OPCML: variants seen among roughly 807,000 people sequenced by gnomAD.
OPCML encodes opioid binding protein/cell adhesion molecule like.
In OPCML, 13 loss-of-function variants were observed where a neutral mutation model predicts 37.8. The ratio of observed to expected loss-of-function variants is 0.34; its 90% CI spans 0.22 to 0.55. OPCML has a LOEUF of 0.55. OPCML is among the 20% of genes least tolerant of loss of function. The pLI is 0.91. For missense variants in OPCML, 341 were observed against 435.6 expected, an observed-to-expected ratio of 0.78 and a Z score of 1.93; for synonymous variants, 176 against 168.8, an observed-to-expected ratio of 1.04 and a Z score of -0.33.
intron 3 of OPCML, among the ~76,000 whole-genome samples, chr11:132,575,005 G>T (rs2096447065): frequency 6.6e-6 from 1 of 151,788 alleles, no homozygotes; most frequent in African/African-American, 2.4e-5. Flanking sequence ...ATTATGCAAG[G>T]TGCTTCTTGG....
chr11:133,108,499 G>C (rs10791282), intron 1 of OPCML, among the ~76,000 whole-genome samples: 51,475 of 152,042 alleles, frequency 0.34, 10,482 homozygotes, highest in East Asian at 0.51. Context: ...ACCTGAGCTC[G>C]GTTAGAATGT....
At chr11:132,912,594 G>T (rs891920569) in intron 2 of OPCML, among the ~76,000 whole-genome samples, 1 of 152,130 alleles carries the variant, frequency 6.6e-6, no homozygotes, top group Non-Finnish European at 1.5e-5. Context: ...AAATGGATTA[G>T]AAAAATATCA....
chr11:132,766,931 C>T lies in OPCML; in HGVS notation c.147-109612G>A, dbSNP rs1275696349. 2.0e-5 allele frequency among the ~76,000 whole-genome samples: 3 copies of T among 152,192 alleles called. No homozygotes were observed. The East Asian group carries it at 5.8e-4, about 29-fold the overall frequency. ...GAATATCTTGTTCTTAACATAAACA[C>T]ATGGAAGTGTTGGAGAAAAGGGTTA... On this transcript the variant is annotated intron_variant, in intron 2 of 7. Coordinates refer to ENST00000524381, the MANE Select transcript of OPCML (RefSeq NM_001012393.5).
intron 1 of OPCML, among the ~76,000 whole-genome samples, chr11:133,229,845 CT>C (rs1940200501): frequency 1.3e-5 from 2 of 152,172 alleles, no homozygotes; most frequent in South Asian, 4.1e-4. Context: ...TGTCCAAAGC[CT>C]TTACTGTGCG....
At position 132,646,471 on chromosome 11, in the gene OPCML, C is replaced by A. The variant is rs192553814; in HGVS notation, c.379+10616G>T. ...GTGGGGTAAGTGACATGATCAGTATCTGCATCAGAAATACTTAGACAACAC... is the reference window on the plus strand; with the variant it reads ...GTGGGGTAAGTGACATGATCAGTATATGCATCAGAAATACTTAGACAACAC... On this transcript the variant is annotated intron_variant, in intron 3 of 7. Transcript: ENST00000524381. 1.4e-4 allele frequency among the ~76,000 whole-genome samples: 22 copies of A among 152,220 alleles called. No individual in the cohort carries two copies. In the East Asian group the frequency reaches 3.7e-3, roughly 25 times the overall value.
intron 1 of OPCML, among the ~76,000 whole-genome samples, chr11:133,322,104 T>C (rs989143432): frequency 6.6e-6 from 1 of 152,162 alleles, no homozygotes; most frequent in Non-Finnish European, 1.5e-5. Context: ...AAAATACAGA[T>C]ACAAGATTTC....
chr11:132,644,047 G>T (rs1052207299), intron 3 of OPCML, among the ~76,000 whole-genome samples: 5 of 152,170 alleles, frequency 3.3e-5, no homozygotes, highest in Admixed American at 3.3e-4. Context: ...TTATTGCTTG[G>T]CATTTCTGGG....
intron 1 of OPCML, among the ~76,000 whole-genome samples, chr11:133,021,476 G>A (rs912922067): frequency 6.6e-6 from 1 of 152,106 alleles, no homozygotes; most frequent in Non-Finnish European, 1.5e-5. Flanking sequence ...TGTGTGGTCA[G>A]CATGGTTGTA....
intron 2 of OPCML, among the ~76,000 whole-genome samples, chr11:132,914,297 A>G (rs1323812572): frequency 1.3e-5 from 2 of 152,220 alleles, no homozygotes; most frequent in East Asian, 3.9e-4. Context: ...GTACAAGTCA[A>G]TATCGCTTGA....
chr11:133,216,559 A>G (rs1456539631), intron 1 of OPCML, among the ~76,000 whole-genome samples: 1 of 152,218 alleles, frequency 6.6e-6, no homozygotes, highest in Non-Finnish European at 1.5e-5. Context: ...CCTATTTTGT[A>G]TATTTTATAT....
chr11:132,462,731 A>G (rs1411907292), intron 4 of OPCML, among the ~76,000 whole-genome samples: 2 of 152,200 alleles, frequency 1.3e-5, no homozygotes, highest in East Asian at 3.9e-4. Flanking sequence ...TCCCTGATCC[A>G]TCTCTTAGAT....
At chr11:132,838,456 C>T (rs1941140068) in intron 2 of OPCML, among the ~76,000 whole-genome samples, 3 of 152,166 alleles carry the variant, frequency 2.0e-5, no homozygotes, top group Admixed American at 2.0e-4. Flanking sequence ...ATAAATGACA[C>T]AGATCCTGCC....
intron 1 of OPCML, among the ~76,000 whole-genome samples, chr11:132,947,816 T>C (rs576031101): frequency 3.9e-5 from 6 of 152,226 alleles, no homozygotes; most frequent in South Asian, 2.1e-4. Flanking sequence ...GAGTATCCCT[T>C]ATCAGAAATG....
intron 3 of OPCML, among the ~76,000 whole-genome samples, chr11:132,572,583 T>C (rs1402566794): frequency 6.6e-6 from 1 of 152,110 alleles, no homozygotes; most frequent in Admixed American, 6.6e-5. Context: ...TATTTCTGGG[T>C]TCTTTATTCT....
At chr11:132,613,706 T>G (rs1938807287) in intron 3 of OPCML, among the ~76,000 whole-genome samples, 1 of 152,166 alleles carries the variant, frequency 6.6e-6, no homozygotes, top group Admixed American at 6.5e-5. Context: ...TGCACTGAAT[T>G]TAGAGAACAG....
chr11:132,740,358 G>T (rs1945399338), intron 2 of OPCML, among the ~76,000 whole-genome samples: 1 of 152,142 alleles, frequency 6.6e-6, no homozygotes, highest in Non-Finnish European at 1.5e-5. Flanking sequence ...CTTCCGCCTG[G>T]CATATCATAA....
At chr11:133,421,177 T>C in intron 1 of OPCML, 1 of 985,412 alleles carries the variant, frequency 1.0e-6, no homozygotes, top group African/African-American at 1.7e-5. Context: ...AACTGTATAA[T>C]GATAGCTCTC....
intron 1 of OPCML, among the ~76,000 whole-genome samples, chr11:133,055,834 G>A (rs972152478): frequency 1.3e-5 from 2 of 151,260 alleles, no homozygotes; most frequent in African/African-American, 4.9e-5. Context: ...GACTCCATGA[G>A]GGAGCCGCCT....
chr11:133,344,799 T>G (rs1040871787), intron 1 of OPCML, among the ~76,000 whole-genome samples: 2 of 152,174 alleles, frequency 1.3e-5, no homozygotes, highest in African/African-American at 4.8e-5. Context: ...TGATGCCACC[T>G]CCATCATGAC....
Sources: allele counts gnomAD v4.1 joint callset (sites outside exome capture counted in the v4.1 genomes callset), GRCh38; gene constraint gnomAD v4.1.1; transcripts MANE v1.5; gene names NCBI Gene and HGNC (gene_info 2026-07-23, HGNC 2026-07-21).